The following NBAS variants were observed in gnomAD, a reference collection of about 807,000 sequenced individuals.
NBAS encodes the protein NAG/BC035112 fusion.
Under a neutral mutation model 302.5 loss-of-function variants are expected in NBAS, and 219 were observed. That is an observed-to-expected ratio of 0.72 (90% CI 0.65 to 0.81). The LOEUF is 0.81. Among genes scored for constraint, NBAS ranks in the 30% least tolerant of loss-of-function variants. The pLI is 0.00. For missense variants in NBAS, 2,932 were observed against 2,841.6 expected (o/e 1.03, Z -0.72); for synonymous variants, 1,118 against 1,021.6 (o/e 1.09, Z -1.80).
chr2:15,483,449 T>A, intron 12 of NBAS: 1 of 288,278 alleles, frequency 3.5e-6, no homozygotes, highest in Middle Eastern at 4.4e-4. Context: ...GAAGTACAAA[T>A]AGACAAATAA....
At chr2:15,471,647 CAT>C (rs72301644) in intron 16 of NBAS, among the ~76,000 whole-genome samples, 3,867 of 152,146 alleles carry the variant, frequency 0.025, 176 homozygotes, top group African/African-American at 0.088. Context: ...CCCCAAAATC[CAT>C]ATGTTGAAAA....
At chr2:14,900,273 C>T in the NBAS span, among the ~76,000 whole-genome samples, 6 of 151,962 alleles carry the variant, frequency 3.9e-5, no homozygotes, top group South Asian at 1.0e-3. Flanking sequence ...GTGCAAGATG[C>T]ATAAGCATGC....
At chr2:15,048,132 C>T in the NBAS span, among the ~76,000 whole-genome samples, 1 of 152,192 alleles carries the variant, frequency 6.6e-6, no homozygotes, top group African/African-American at 2.4e-5. Context: ...TATAAAGCAC[C>T]AAGCACTACT....
chr2:15,457,094 G>A (rs1336415097), intron 21 of NBAS, among the ~76,000 whole-genome samples: 1 of 152,162 alleles, frequency 6.6e-6, no homozygotes. Context: ...GGCTTGGCAA[G>A]GTCAAGGAAC....
the NBAS span, among the ~76,000 whole-genome samples, chr2:14,846,451 A>AT: frequency 6.6e-6 from 1 of 151,974 alleles, no homozygotes; most frequent in African/African-American, 2.4e-5. Context: ...AAAAAAAAAA[A>AT]AAAGGATGTT....
At chr2:15,150,863 C>T in the NBAS span, among the ~76,000 whole-genome samples, 2 of 152,268 alleles carry the variant, frequency 1.3e-5, no homozygotes, top group South Asian at 4.1e-4. Context: ...GCTCAAAGTG[C>T]ACATCTGCTC....
chr2:14,792,491 A>G, the NBAS span, among the ~76,000 whole-genome samples: 1 of 152,096 alleles, frequency 6.6e-6, no homozygotes. Flanking sequence ...ATCATATTAC[A>G]TATTGCTAGC....
intron 48 of NBAS, among the ~76,000 whole-genome samples, chr2:15,203,696 T>C (rs1027626187): frequency 6.6e-6 from 1 of 152,070 alleles, no homozygotes; most frequent in African/African-American, 2.4e-5. Flanking sequence ...AAAAAAGCAC[T>C]AAATCCCAGA....
chr2:15,477,273 T>A (rs934444897), intron 13 of NBAS, among the ~76,000 whole-genome samples: 1 of 152,174 alleles, frequency 6.6e-6, no homozygotes, highest in Non-Finnish European at 1.5e-5. Context: ...AAAGCATTTT[T>A]TTTTTTGAGA....
intron 11 of NBAS, among the ~76,000 whole-genome samples, chr2:15,496,337 G>A (rs1196266077): frequency 1.3e-5 from 2 of 152,092 alleles, no homozygotes; most frequent in Non-Finnish European, 2.9e-5. Context: ...ATGGAGTGTT[G>A]CAGGTGATAA....
intron 35 of NBAS, among the ~76,000 whole-genome samples, chr2:15,335,800 T>G (rs75836012): frequency 0.016 from 2,428 of 152,308 alleles, 71 homozygotes; most frequent in African/African-American, 0.055. Flanking sequence ...CTTAATGATG[T>G]CTTGTGATTA....
intron 48 of NBAS, among the ~76,000 whole-genome samples, chr2:15,196,709 T>C (rs1267258585): frequency 1.3e-5 from 2 of 152,208 alleles, no homozygotes; most frequent in Non-Finnish European, 2.9e-5. Context: ...TGGCTACATA[T>C]ATATTTAATA....
At chr2:15,345,495 A>G (rs1331840396) in intron 35 of NBAS, among the ~76,000 whole-genome samples, 2 of 152,238 alleles carry the variant, frequency 1.3e-5, no homozygotes, top group Non-Finnish European at 2.9e-5. Flanking sequence ...GCTCAAGGAA[A>G]TAAGAGAGGA....
intron 9 of NBAS, among the ~76,000 whole-genome samples, chr2:15,528,589 C>A (rs766280217): frequency 6.7e-6 from 1 of 149,582 alleles, no homozygotes; most frequent in Non-Finnish European, 1.5e-5. Flanking sequence ...ATACACTGGC[C>A]GGGCGTGGTG....
chr2:14,883,544 C>T, the NBAS span, among the ~76,000 whole-genome samples: 149 of 152,120 alleles, frequency 9.8e-4, no homozygotes, highest in African/African-American at 2.9e-3. Flanking sequence ...CAATGTCCAC[C>T]GGCAGAAAAT....
chr2:15,409,087 T>A (rs1341427041), intron 25 of NBAS, among the ~76,000 whole-genome samples: 1 of 152,176 alleles, frequency 6.6e-6, no homozygotes, highest in Non-Finnish European at 1.5e-5. Context: ...CAAGGTTAAT[T>A]TTCCTTGACA....
rs116475227 is a variant in NBAS, at chr2:15,185,426, A to G, written c.6711+1316T>C. 2.7e-3 allele frequency among the ~76,000 whole-genome samples: 410 copies of G among 152,288 alleles called. 4 individuals are homozygous for G. The highest frequency in any genetic ancestry group is 9.4e-3 in the African/African-American group (392 of 41,554). On this transcript the variant is annotated intron_variant, in intron 50 of 51. Transcript: ENST00000281513. Reference sequence around the variant, plus strand: ...TTTGGTCCTGATCTAATAATGCTTGATCTTAGCTTATATTCAAGCAAAGGT... The same window carrying G: ...TTTGGTCCTGATCTAATAATGCTTGGTCTTAGCTTATATTCAAGCAAAGGT...
chr2:14,920,318 ATGTGC>A, the NBAS span, among the ~76,000 whole-genome samples: 7 of 152,286 alleles, frequency 4.6e-5, no homozygotes, highest in South Asian at 1.2e-3. Context: ...CAGTAAACAG[ATGTGC>A]TGTCATCCAG....
chr2:15,008,379 A>G, the NBAS span, among the ~76,000 whole-genome samples: 6 of 152,194 alleles, frequency 3.9e-5, no homozygotes, highest in Non-Finnish European at 8.8e-5. Context: ...ATGCATCTCC[A>G]GTTCTCTCCC....
Sources: allele counts gnomAD v4.1 joint callset (sites outside exome capture counted in the v4.1 genomes callset), GRCh38; gene constraint gnomAD v4.1.1; transcripts MANE v1.5; gene names NCBI Gene and HGNC (gene_info 2026-07-23, HGNC 2026-07-21).